The following DMD variants were observed in gnomAD, a reference collection of about 807,000 sequenced individuals.
DMD encodes the protein mutant dystrophin.
Under a neutral mutation model 330.1 loss-of-function variants are expected in DMD, and 63 were observed. The ratio of observed to expected loss-of-function variants is 0.19; its 90% CI spans 0.16 to 0.24. The LOEUF is 0.24. Ranked by LOEUF, DMD falls within the 10% of genes least tolerant of loss-of-function variation. The pLI is 1.00. For synonymous variants in DMD, 1,223 were observed against 959.8 expected (o/e 1.27, Z -5.07); for missense variants, 3,344 against 2,684.1 (o/e 1.25, Z -5.43).
chrX:33,279,435 G>A, intron 1 of DMD, among the ~76,000 whole-genome samples: 1 of 101,210 alleles, frequency 9.9e-6, no homozygotes, highest in East Asian at 3.8e-4. Context: ...TCCATGGTAT[G>A]CATGTACCAC....
At chrX:32,408,896 CTATCTATCTATCT>C (rs1569561558) in intron 30 of DMD, among the ~76,000 whole-genome samples, 18 of 108,620 alleles carry the variant, frequency 1.7e-4, no homozygotes, top group African/African-American at 6.1e-4. Context: ...ATCTATCTAT[CTATCTATCTATCT>C]ATCCATCCAT....
rs144882848 is a variant in DMD, at chrX:32,669,331, T to G, written c.961-24179A>C. On this transcript the variant is annotated intron_variant, in intron 9 of 78. Coordinates refer to ENST00000357033, the MANE Select transcript of DMD (RefSeq NM_004006.3). ...CCTACCTGCATCCTCCTCAATTCATTTGCAGCACTGTTTAACATAACTACC... is the reference window on the plus strand; with the variant it reads ...CCTACCTGCATCCTCCTCAATTCATGTGCAGCACTGTTTAACATAACTACC... Among the ~76,000 whole-genome samples, 783 of 111,725 alleles carry G rather than the reference T, an allele frequency of 7.0e-3. 7 individuals are homozygous for G. Among genetic ancestry groups the G allele is most frequent in the African/African-American group, 0.023 (718 of 30,722 alleles).
At chrX:32,119,670 CT>C (rs1448023442) in intron 44 of DMD, among the ~76,000 whole-genome samples, 5 of 111,713 alleles carry the variant, frequency 4.5e-5, no homozygotes, top group Non-Finnish European at 5.6e-5. Context: ...TGATGTGGCC[CT>C]TTCTGTCTTC....
At chrX:32,921,311 G>A (rs1429189919) in intron 2 of DMD, among the ~76,000 whole-genome samples, 1 of 111,581 alleles carries the variant, frequency 9.0e-6, no homozygotes, top group Non-Finnish European at 1.9e-5. Flanking sequence ...AACTTGCAAA[G>A]AAAACGAACA....
chrX:32,373,563 A>G (rs2097888984), intron 34 of DMD, among the ~76,000 whole-genome samples: 1 of 111,974 alleles, frequency 8.9e-6, no homozygotes, highest in African/African-American at 3.2e-5. Context: ...TGACATATGC[A>G]TTTTTAATAA....
At chrX:33,165,252 T>C (rs1015804509) in intron 1 of DMD, among the ~76,000 whole-genome samples, 1 of 111,638 alleles carries the variant, frequency 9.0e-6, no homozygotes, top group Non-Finnish European at 1.9e-5. Flanking sequence ...ATCTCAATTT[T>C]CTTTATGTGT....
chrX:33,022,224 G>T (rs5928153), intron 1 of DMD, among the ~76,000 whole-genome samples: 45,046 of 109,970 alleles, frequency 0.41, 6,688 homozygotes, highest in South Asian at 0.52. Flanking sequence ...TCTGCCAAAA[G>T]CTCAATATGA....
intron 11 of DMD, among the ~76,000 whole-genome samples, chrX:32,618,962 A>G (rs1193866857): frequency 9.0e-6 from 1 of 111,634 alleles, no homozygotes; most frequent in East Asian, 2.8e-4. Context: ...ACTATGAATT[A>G]TATATACAAA....
rs376926304 is a variant in DMD at position 32,031,623 on chromosome X, CA to C, written c.6439-63110del. Among the ~76,000 whole-genome samples the C allele has an allele frequency of 6.2e-3, 688 of 111,799 alleles. 11 individuals are homozygous for C. Among genetic ancestry groups the C allele is most frequent in the African/African-American group, 0.021 (636 of 30,856 alleles). Reference sequence around the variant, plus strand: ...TGAAATAACGAAAGTAAAAAGAAGGCAAAAGAAGAAATACTCTTTAAGCAAT... The same window carrying C: ...TGAAATAACGAAAGTAAAAAGAAGGCAAAGAAGAAATACTCTTTAAGCAAT... On this transcript the variant is annotated intron_variant, in intron 44 of 78. Transcript: ENST00000357033.
At chrX:32,782,609 C>G (rs772995285) in intron 7 of DMD, among the ~76,000 whole-genome samples, 35 of 111,337 alleles carry the variant, frequency 3.1e-4, no homozygotes, top group African/African-American at 1.0e-3. Context: ...GGTGGTTGTA[C>G]AGGTGGAGAG....
At chrX:32,278,898 T>C (rs2097401600) in intron 43 of DMD, among the ~76,000 whole-genome samples, 1 of 111,772 alleles carries the variant, frequency 8.9e-6, no homozygotes, top group Admixed American at 9.5e-5. Flanking sequence ...GGAGAAAATA[T>C]TTGCAAATTA....
intron 2 of DMD, among the ~76,000 whole-genome samples, chrX:32,954,963 T>C (rs1254888788): frequency 8.9e-6 from 1 of 112,137 alleles, no homozygotes; most frequent in Non-Finnish European, 1.9e-5. Flanking sequence ...TTAGGTTGAT[T>C]CCACGTCTTT....
chrX:32,762,684 C>A (rs775873623), intron 7 of DMD, among the ~76,000 whole-genome samples: 3 of 109,926 alleles, frequency 2.7e-5, no homozygotes, highest in East Asian at 5.8e-4. Flanking sequence ...TCTTGCTTGA[C>A]CGGAGCCTGG....
chrX:32,287,734 AT>A, intron 42 of DMD, 33 bp from the exon 43 acceptor site: 3 of 1,016,420 alleles, frequency 3.0e-6, no homozygotes, highest in South Asian at 2.2e-5. Flanking sequence ...CAGTAAAAAA[AT>A]GAATTAGCTG....
chrX:31,808,234 C>A (rs911859020), intron 50 of DMD, among the ~76,000 whole-genome samples: 8 of 111,661 alleles, frequency 7.2e-5, no homozygotes, highest in African/African-American at 1.3e-4. Flanking sequence ...ACCTTAGAGA[C>A]CCTCCAGGAG....
intron 9 of DMD, among the ~76,000 whole-genome samples, chrX:32,678,613 G>A: frequency 9.0e-6 from 1 of 110,868 alleles, no homozygotes; most frequent in Middle Eastern, 4.7e-3. Flanking sequence ...GCCAATATGA[G>A]TACATTCTAC....
chrX:32,565,746 A>T lies in DMD; in HGVS notation c.1948T>A (p.Cys650Ser). Reference sequence around the variant, plus strand: ...AGTTTTTGGACTAAATTATCCCAACACCGGGCAAAGTTATCCAGCCATGCT... The same window carrying T: ...AGTTTTTGGACTAAATTATCCCAACTCCGGGCAAAGTTATCCAGCCATGCT... Reference protein sequence around the residue: ...TEAWLDNFARCWDNLVQKLEK... With the variant: ...TEAWLDNFARSWDNLVQKLEK... The change falls in exon 16 of 79, where the codon TGT (cysteine) becomes AGT (serine). Residue 650 changes from cysteine (C) to serine (S), a missense_variant. Transcript: ENST00000357033. The T allele has an allele frequency of 1.7e-6, 2 of 1,211,508 alleles. No individual in the cohort carries two copies. The highest frequency in any genetic ancestry group is 2.2e-6 in the Non-Finnish European group (2 of 895,407).
intron 2 of DMD, among the ~76,000 whole-genome samples, chrX:33,000,543 A>G (rs1420218284): frequency 8.9e-6 from 1 of 111,800 alleles, no homozygotes; most frequent in Non-Finnish European, 1.9e-5. Flanking sequence ...TAGTCAGAAT[A>G]TTCTAAGACC....
intron 55 of DMD, among the ~76,000 whole-genome samples, chrX:31,608,351 C>CA (rs2077715924): frequency 9.1e-6 from 1 of 110,352 alleles, no homozygotes; most frequent in African/African-American, 3.3e-5. Context: ...ATGTTACTTA[C>CA]AAAAAAATGA....
Sources: allele counts gnomAD v4.1 joint callset (sites outside exome capture counted in the v4.1 genomes callset), GRCh38; gene constraint gnomAD v4.1.1; transcripts MANE v1.5; gene names NCBI Gene and HGNC (gene_info 2026-07-23, HGNC 2026-07-21).